Variants in FAM53B observed in about 807,000 individuals in gnomAD.
The protein encoded by FAM53B is family with sequence similarity 53 member B.
A neutral mutation model predicts 32.7 loss-of-function variants in FAM53B; 12 were observed. The ratio of observed to expected loss-of-function variants is 0.37; its 90% CI spans 0.24 to 0.59. FAM53B has a LOEUF of 0.59. Among genes scored for constraint, FAM53B ranks in the 20% least tolerant of loss-of-function variants. The probability of loss-of-function intolerance (pLI) is 0.72; values close to 1 mark genes in which losing one functional copy is unlikely to be tolerated. For missense variants in FAM53B, 477 were observed against 577.7 expected (o/e 0.83, Z 1.79); for synonymous variants, 234 against 228.7 (o/e 1.02, Z -0.21).
intron 1 of FAM53B, 56 bp from the exon 2 acceptor site, chr10:124,706,943 G>A: frequency 7.2e-7 from 1 of 1,388,146 alleles, no homozygotes. Context: ...CGAGGGCCCT[G>A]AGAGTCACCC....
At chr10:124,693,096 C>G (rs1015520110) in intron 3 of FAM53B, among the ~76,000 whole-genome samples, 1 of 152,148 alleles carries the variant, frequency 6.6e-6, no homozygotes, top group Non-Finnish European at 1.5e-5. Flanking sequence ...TATCTTCGCA[C>G]AGCATTGTCC....
At chr10:124,652,027 C>T (rs1270216204) in intron 4 of FAM53B, among the ~76,000 whole-genome samples, 1 of 152,204 alleles carries the variant, frequency 6.6e-6, no homozygotes, top group African/African-American at 2.4e-5. Flanking sequence ...AAAGGGCATA[C>T]CTGGAGAATT....
chr10:124,669,322 C>G (rs987570697), intron 4 of FAM53B, among the ~76,000 whole-genome samples: 1 of 152,306 alleles, frequency 6.6e-6, no homozygotes. Flanking sequence ...AACAGGACAG[C>G]TGAACCGCAG....
intron 4 of FAM53B, chr10:124,667,335 G>C: frequency 1.4e-6 from 1 of 716,600 alleles, no homozygotes; most frequent in Non-Finnish European, 2.6e-6. Flanking sequence ...TATGTGGCTT[G>C]AGTTCTGGTT....
At chr10:124,640,424 G>T (rs1368204314) in intron 4 of FAM53B, among the ~76,000 whole-genome samples, 1 of 152,212 alleles carries the variant, frequency 6.6e-6, no homozygotes, top group Non-Finnish European at 1.5e-5. Context: ...GGCCCCTGAA[G>T]AATGTGCAGG....
chr10:124,701,724 A>C (rs930118968), intron 2 of FAM53B, among the ~76,000 whole-genome samples: 4 of 152,202 alleles, frequency 2.6e-5, no homozygotes, highest in African/African-American at 9.6e-5. Flanking sequence ...AACTGGACCC[A>C]GCCATGGCTG....
intron 1 of FAM53B, chr10:124,742,516 C>T (rs1950205487): frequency 6.6e-6 from 1 of 152,192 alleles, no homozygotes; most frequent in Non-Finnish European, 1.5e-5. Context: ...GAGGAATCTC[C>T]CTGCCAGCCG....
rs11817301 is a variant in FAM53B at position 124,694,651 on chromosome 10, C to T, written c.133+1507G>A. ...TTCCCAGCATGACGCAGGAAGGAAGCGCAAAGGTGAGGTTGTCCCAGGAAG... is the reference window on the plus strand; with the variant it reads ...TTCCCAGCATGACGCAGGAAGGAAGTGCAAAGGTGAGGTTGTCCCAGGAAG... On this transcript the variant is annotated intron_variant, in intron 3 of 4. Transcript: ENST00000337318. Among the ~76,000 whole-genome samples, 1,074 of 152,318 alleles carry T rather than the reference C, an allele frequency of 7.1e-3. 18 individuals carry two copies. Among genetic ancestry groups the T allele is most frequent in the African/African-American group, 0.025 (1,022 of 41,564 alleles).
intron 4 of FAM53B, among the ~76,000 whole-genome samples, chr10:124,624,838 TGA>T (rs1158078103): frequency 6.6e-6 from 1 of 151,278 alleles, no homozygotes; most frequent in Non-Finnish European, 1.5e-5. Flanking sequence ...GGACAGAGGC[TGA>T]GACAGTGAGG....
At chr10:124,693,626 G>A (rs185689190) in intron 3 of FAM53B, among the ~76,000 whole-genome samples, 4 of 152,248 alleles carry the variant, frequency 2.6e-5, no homozygotes, top group East Asian at 3.9e-4. Context: ...GCTGACACCC[G>A]CTCCGCTCCA....
chr10:124,654,091 G>A (rs538392046), intron 4 of FAM53B, among the ~76,000 whole-genome samples: 1 of 152,190 alleles, frequency 6.6e-6, no homozygotes, highest in African/African-American at 2.4e-5. Flanking sequence ...CTCCTTATTT[G>A]GAAAAACTGT....
intron 1 of FAM53B, among the ~76,000 whole-genome samples, chr10:124,738,451 C>T (rs1416112486): frequency 1.3e-5 from 2 of 151,768 alleles, no homozygotes; most frequent in Non-Finnish European, 2.9e-5. Context: ...AAGTTCAGAG[C>T]ACAGGGGCCC....
intron 4 of FAM53B, among the ~76,000 whole-genome samples, chr10:124,678,707 C>T (rs1164080316): frequency 1.3e-5 from 2 of 152,212 alleles, no homozygotes; most frequent in Non-Finnish European, 2.9e-5. Flanking sequence ...CTTGCTCCTG[C>T]TGAACTCAAC....
Position 124,681,947 on chromosome 10 carries a change from C to A in FAM53B, c.566G>T (p.Arg189Leu), listed in dbSNP as rs370552494. 10 of 1,613,868 alleles carry A rather than the reference C, an allele frequency of 6.2e-6. No individual in the cohort carries two copies. The highest frequency in any genetic ancestry group is 7.6e-6 in the Non-Finnish European group (9 of 1,179,998). ...CCCTTGGCAGGGCTGCCCTCCAAAT[C>A]GGTGGTGGAGTCCTGCCTGGTCGCA... is the stretch of plus-strand genomic sequence containing the variant. Reference protein sequence around the residue: ...SPCDQAGLHHRFGGQPCQGVP... With the variant: ...SPCDQAGLHHLFGGQPCQGVP... The change falls in exon 4 of 5, where the codon CGA (arginine) becomes CTA (leucine). Residue 189 changes from arginine (R) to leucine (L), a missense_variant. Physicochemically the swap from Arg to Leu is moderately radical, Grantham distance 102 (BLOSUM62 -2). Coordinates refer to ENST00000337318, the MANE Select transcript of FAM53B (RefSeq NM_014661.4).
At chr10:124,702,463 G>A (rs1949921173) in intron 2 of FAM53B, among the ~76,000 whole-genome samples, 1 of 152,188 alleles carries the variant, frequency 6.6e-6, no homozygotes, top group African/African-American at 2.4e-5. Flanking sequence ...ATTATTTTCA[G>A]TATTTCTTCA....
intron 4 of FAM53B, among the ~76,000 whole-genome samples, chr10:124,672,042 G>A (rs1949709974): frequency 6.6e-6 from 1 of 152,204 alleles, no homozygotes; most frequent in Admixed American, 6.5e-5. Context: ...CCACAAAAAT[G>A]GTACATAAAT....
chr10:124,672,382 G>A (rs554779168), intron 4 of FAM53B, among the ~76,000 whole-genome samples: 3 of 152,362 alleles, frequency 2.0e-5, no homozygotes, highest in South Asian at 2.1e-4. Context: ...CTGATGTCCC[G>A]GATCAGGAAG....
intron 4 of FAM53B, among the ~76,000 whole-genome samples, chr10:124,673,225 A>G (rs1369964405): frequency 1.3e-5 from 2 of 152,022 alleles, no homozygotes; most frequent in Non-Finnish European, 2.9e-5. Flanking sequence ...CCTACAGTCC[A>G]TGCTGCTCAC....
chr10:124,676,243 A>G (rs1477842300), intron 4 of FAM53B, among the ~76,000 whole-genome samples: 1 of 152,154 alleles, frequency 6.6e-6, no homozygotes. Flanking sequence ...AGGGCTTTCC[A>G]TGCCTACCTC....
Sources: allele counts gnomAD v4.1 joint callset (sites outside exome capture counted in the v4.1 genomes callset), GRCh38; gene constraint gnomAD v4.1.1; transcripts MANE v1.5; gene names NCBI Gene and HGNC (gene_info 2026-07-23, HGNC 2026-07-21).